ERP27: variants seen among roughly 807,000 people sequenced by gnomAD.
ERP27 encodes endoplasmic reticulum resident protein 27.
In ERP27, 23 loss-of-function variants were observed where a neutral mutation model predicts 27.7. The observed-to-expected ratio is 0.83, with a 90% CI of 0.60 to 1.18. The LOEUF (loss-of-function observed/expected upper bound fraction) is 1.18, where lower values mean the gene tolerates loss of function less well. Ranked by LOEUF, ERP27 falls within the 50% of genes most tolerant of loss-of-function variation. The pLI is 0.00. For synonymous variants in ERP27, 159 were observed against 118.3 expected (o/e 1.34, Z -2.23); for missense variants, 363 against 327.9 (o/e 1.11, Z -0.83).
intron 5 of ERP27, chr12:14,915,942 C>T (rs1392181644): frequency 2.6e-6 from 1 of 384,486 alleles, no homozygotes; most frequent in Admixed American, 4.3e-5. Flanking sequence ...ATCACATGTT[C>T]CCACTTCTAA....
chr12:14,917,575 TA>T (rs1863431499), intron 4 of ERP27, among the ~76,000 whole-genome samples: 1 of 152,178 alleles, frequency 6.6e-6, no homozygotes, highest in African/African-American at 2.4e-5. Flanking sequence ...GGTGAAGTCT[TA>T]AAAGACATTA....
intron 4 of ERP27, among the ~76,000 whole-genome samples, chr12:14,920,004 G>T (rs1376202048): frequency 6.6e-6 from 1 of 152,190 alleles, no homozygotes; most frequent in Non-Finnish European, 1.5e-5. Context: ...GGCTCTGTAA[G>T]TTCTCAAAAA....
At chr12:14,936,804 G>A (rs1309376930) in intron 2 of ERP27, among the ~76,000 whole-genome samples, 3 of 152,032 alleles carry the variant, frequency 2.0e-5, no homozygotes, top group African/African-American at 7.3e-5. Flanking sequence ...ATTTCCTCAG[G>A]CCTTCCAAGC....
At position 14,928,911 on chromosome 12, in the gene ERP27, G is replaced by T. The variant is rs767865877; in HGVS notation, c.333+5945C>A. 2.0e-6 allele frequency: 3 copies of T among 1,524,494 alleles called. No individual in the cohort carries two copies. In the South Asian group the frequency reaches 3.6e-5, roughly 18 times the overall value. 94.4% of individuals were successfully genotyped at this position (1,524,494 alleles called of 1,614,324 possible). ...ATGAGCACACAAAAAAATAATATTT[G>T]CAGCTCCTCTAGATACTTAATGCTG... On this transcript the variant is annotated intron_variant, in intron 3 of 6. Coordinates refer to ENST00000266397, the MANE Select transcript of ERP27 (RefSeq NM_152321.4).
intron 3 of ERP27, among the ~76,000 whole-genome samples, chr12:14,932,500 G>T (rs1256522754): frequency 6.6e-6 from 1 of 152,202 alleles, no homozygotes; most frequent in Non-Finnish European, 1.5e-5. Context: ...AGAGGATAAA[G>T]CCCAGGGTGG....
In ERP27 at chr12:14,915,489, C is replaced by T. The variant is rs200033479; in HGVS notation, c.774G>A (p.Leu258=). Residue 258 remains leucine, a splice_region_variant and synonymous_variant, in exon 6 of 7, where the codon TTG becomes TTA. Coordinates refer to ENST00000266397, the MANE Select transcript of ERP27 (RefSeq NM_152321.4). ...FCDGFLSGKL[L]KENRESEGKT... ...GCTTTACCTGCAGTCTCACACTTAC[C>T]AACAATTTTCCACTTAGGAATCCAT... 3.7e-6 allele frequency: 6 copies of T among 1,613,632 alleles called. No homozygotes were observed. Among genetic ancestry groups the T allele is most frequent in the Non-Finnish European group, 5.1e-6 (6 of 1,179,596 alleles).
chr12:14,919,993 G>A (rs1863475703), intron 4 of ERP27, among the ~76,000 whole-genome samples: 1 of 152,166 alleles, frequency 6.6e-6, no homozygotes, highest in Non-Finnish European at 1.5e-5. Context: ...GAGGATGAAA[G>A]GGCTCTGTAA....
At position 14,937,982 on chromosome 12, in the gene ERP27, G is replaced by A; in HGVS notation, c.165C>T (p.Ala55=). The change falls in exon 2 of 7, where the codon GCC becomes GCT. Residue 55 remains alanine (A), a synonymous_variant. Transcript: ENST00000266397. The part of the protein sequence containing the change: ...DVPAAMEFIA[A]TEVAVIGFFQ... ...AGAAGCCTATGACAGCCACCTCAGT[G>A]GCAGCAATGAATTCCATGGCAGCTG... 1.9e-6 allele frequency: 3 copies of A among 1,614,070 alleles called. No homozygotes were observed. The highest frequency in any genetic ancestry group is 2.5e-6 in the Non-Finnish European group (3 of 1,179,960).
At chr12:14,927,267 A>G (rs1863616733) in intron 3 of ERP27, among the ~76,000 whole-genome samples, 1 of 151,948 alleles carries the variant, frequency 6.6e-6, no homozygotes, top group African/African-American at 2.4e-5. Context: ...TGCATATTCC[A>G]CATGTATATA....
At chr12:14,923,749 A>G (rs923701282) in intron 3 of ERP27, among the ~76,000 whole-genome samples, 3 of 152,232 alleles carry the variant, frequency 2.0e-5, no homozygotes, top group South Asian at 4.1e-4. Flanking sequence ...TTTTGTACAT[A>G]TTTATGGGGT....
At chr12:14,926,173 G>A (rs943217824) in intron 3 of ERP27, among the ~76,000 whole-genome samples, 1 of 152,060 alleles carries the variant, frequency 6.6e-6, no homozygotes, top group African/African-American at 2.4e-5. Flanking sequence ...ACATGTATTT[G>A]ATAAATGCAA....
Position 14,914,134 on chromosome 12 carries a change from A to G in ERP27, c.*601T>C, listed in dbSNP as rs1002330412. 1 of 152,290 alleles carries G rather than the reference A, an allele frequency of 6.6e-6. No individual in the cohort carries two copies. The highest frequency in any genetic ancestry group is 2.4e-5 in the African/African-American group (1 of 41,450). 9.4% of individuals were successfully genotyped at this position (152,290 alleles called of 1,614,324 possible). On this transcript the variant is annotated 3_prime_UTR_variant, in exon 7 of 7. Coordinates refer to ENST00000266397, the MANE Select transcript of ERP27 (RefSeq NM_152321.4). ...CAAGCATGGAGTTTTCACATGGTCT[A>G]TTTCTGCTGAGTTCAGGGACTTGGA...
chr12:14,923,257 G>A (rs969142510), intron 3 of ERP27, among the ~76,000 whole-genome samples: 2 of 152,062 alleles, frequency 1.3e-5, no homozygotes, highest in Non-Finnish European at 2.9e-5. Context: ...TTGGTGCTTC[G>A]GCCCTCAGGC....
intron 3 of ERP27, among the ~76,000 whole-genome samples, chr12:14,934,194 A>G (rs1413979159): frequency 6.6e-6 from 1 of 152,052 alleles, no homozygotes; most frequent in East Asian, 1.9e-4. Context: ...TTGGCCATGA[A>G]TTCTTTAGCT....
chr12:14,938,491 G>T lies in ERP27; in HGVS notation c.18C>A (p.Ser6=), dbSNP rs923950042. Reference sequence around the variant, plus strand: ...GGAGAAATAAGAGGAACATGAACCTGGACGGGGCAGCTTCCATTGTCCCTC... The same window carrying T: ...GGAGAAATAAGAGGAACATGAACCTTGACGGGGCAGCTTCCATTGTCCCTC... MEAAP[S]RFMFLLFLLT... Residue 6 remains serine, a synonymous_variant, in exon 1 of 7, where the codon TCC becomes TCA. Coordinates refer to ENST00000266397, the MANE Select transcript of ERP27 (RefSeq NM_152321.4). 6.2e-7 allele frequency: 1 copy of T among 1,612,664 alleles called. No homozygotes were observed. Among genetic ancestry groups the T allele is most frequent in the Non-Finnish European group, 8.5e-7 (1 of 1,179,326 alleles).
In ERP27 at chr12:14,923,485, TATA is replaced by T. The variant is rs1456248355; in HGVS notation, c.334-2440_334-2438del. Among the ~76,000 whole-genome samples, 853 of 123,740 alleles carry T rather than the reference TATA, an allele frequency of 6.9e-3. 9 individuals carry two copies. Among genetic ancestry groups the T allele is most frequent in the African/African-American group, 0.024 (804 of 33,112 alleles). 81.2% of individuals were successfully genotyped at this position (123,740 alleles called of 152,430 possible). ...TTTTACTATATAATATCTATCTATC[TATA>T]ATCAATCTATCTATCTATCTATCTA... On this transcript the variant is annotated intron_variant, in intron 3 of 6. Transcript: ENST00000266397.
chr12:14,918,889 T>A (rs1345973992), intron 4 of ERP27, among the ~76,000 whole-genome samples: 1 of 152,214 alleles, frequency 6.6e-6, no homozygotes, highest in Admixed American at 6.5e-5. Context: ...GCTACTTAAA[T>A]TTAGAGCATT....
At position 14,914,934 on chromosome 12, in the gene ERP27, C is replaced by A. The variant is rs879218383; in HGVS notation, c.775-152G>T. The A allele has an allele frequency of 6.4e-5, 41 of 636,046 alleles. No homozygotes were observed. The South Asian group carries it at 8.8e-4, about 14-fold the overall frequency. The allele number at this position is 636,046 out of a possible 1,614,324, so 39.4% of individuals were successfully genotyped here. ...AATGCTTTACACTAAATGCTGAAATCCAAAATTCAGCCTCTGAATATGCAA... is the reference window on the plus strand; with the variant it reads ...AATGCTTTACACTAAATGCTGAAATACAAAATTCAGCCTCTGAATATGCAA... On this transcript the variant is annotated intron_variant, in intron 6 of 6. Coordinates refer to ENST00000266397, the MANE Select transcript of ERP27 (RefSeq NM_152321.4).
chr12:14,934,480 A>G, intron 3 of ERP27, among the ~76,000 whole-genome samples: 1 of 152,248 alleles, frequency 6.6e-6, no homozygotes, highest in East Asian at 1.9e-4. Flanking sequence ...ACATAAATGA[A>G]CTCCTCAAAA....
Sources: gnomAD v4.1 joint callset for allele counts (sites outside exome capture counted in the v4.1 genomes callset) on GRCh38, gnomAD v4.1.1 for gene constraint, MANE v1.5 for transcripts, NCBI Gene and HGNC (gene_info 2026-07-23, HGNC 2026-07-21) for gene names.